ARID1B: variants seen among roughly 807,000 people sequenced by gnomAD.
ARID1B encodes the protein AT-rich interactive domain-containing protein 1B.
A neutral mutation model predicts 212.3 loss-of-function variants in ARID1B; 30 were observed. The ratio of observed to expected loss-of-function variants is 0.14; its 90% CI spans 0.11 to 0.19. The LOEUF is 0.19. Ranked by LOEUF, ARID1B falls within the 10% of genes least tolerant of loss-of-function variation. The pLI, the probability that ARID1B is intolerant of heterozygous loss-of-function variation, is 1.00. For missense variants in ARID1B, 2,891 were observed against 3,204.0 expected (o/e 0.90, Z 2.36); for synonymous variants, 1,402 against 1,301.7 (o/e 1.08, Z -1.66).
intron 6 of ARID1B, among the ~76,000 whole-genome samples, chr6:157,130,314 A>C (rs1308860410): frequency 1.3e-5 from 2 of 152,254 alleles, no homozygotes; most frequent in Non-Finnish European, 2.9e-5. Flanking sequence ...CGTTCTTTTC[A>C]AAGAAAGTAA....
chr6:156,943,807 C>A (rs922440693), intron 4 of ARID1B: 1 of 152,076 alleles, frequency 6.6e-6, no homozygotes, highest in Non-Finnish European at 1.5e-5. Context: ...ATTTTATTTA[C>A]CATCGGGTCA....
At chr6:157,168,112 T>TGAAG (rs1289999836) in intron 9 of ARID1B, 4 of 152,368 alleles carry the variant, frequency 2.6e-5, no homozygotes, top group Admixed American at 6.5e-5. Context: ...TCATTTCTTC[T>TGAAG]GCCTTCCACC....
At position 157,068,131 on chromosome 6, in the gene ARID1B, C is replaced by T. The variant is rs527501878; in HGVS notation, c.2248-16531C>T. 5.9e-5 allele frequency among the ~76,000 whole-genome samples: 9 copies of T among 152,346 alleles called. No individual in the cohort carries two copies. In the East Asian group the frequency reaches 1.7e-3, roughly 29 times the overall value. On this transcript the variant is annotated intron_variant, in intron 4 of 19. Transcript: ENST00000636930. ...CAATTTGGTTCTCTTATCTTTCACT[C>T]GTGTGAATTCCATGGGAAATCAGCA...
intron 1 of ARID1B, among the ~76,000 whole-genome samples, chr6:156,809,599 A>C (rs1317502761): frequency 6.6e-6 from 1 of 151,840 alleles, no homozygotes; most frequent in East Asian, 1.9e-4. Flanking sequence ...CTGCTGAATC[A>C]ATTGCATTAC....
Position 157,208,037 on chromosome 6 carries a change from TA to T in ARID1B, c.*149del, listed in dbSNP as rs1371142187. 22 of 820,722 alleles carry T rather than the reference TA, an allele frequency of 2.7e-5. No homozygotes were observed. The Admixed American group carries it at 6.3e-4, about 23-fold the overall frequency. 50.8% of individuals were successfully genotyped at this position (820,722 alleles called of 1,614,324 possible). A position where few individuals can be genotyped will look rare whatever the true frequency, so the allele number is the denominator to read the frequency against. Reference sequence around the variant, plus strand: ...CATTCACTATTTACCAATTGGGAATTAAAGAAATAATTAATTTGAACAGTTA... The same window carrying T: ...CATTCACTATTTACCAATTGGGAATTAAGAAATAATTAATTTGAACAGTTA... On this transcript the variant is annotated 3_prime_UTR_variant, in exon 20 of 20. Transcript: ENST00000636930.
Position 157,097,923 on chromosome 6 carries a change from G to A in ARID1B, c.2492-12549G>A, listed in dbSNP as rs1583301874. 3.3e-5 allele frequency among the ~76,000 whole-genome samples: 5 copies of A among 152,274 alleles called. No individual in the cohort carries two copies. In the South Asian group the frequency reaches 6.2e-4, roughly 19 times the overall value. ...CTTCAAAAGAACGGGTGGGGGAAACGACTATACAAAATTGCAAGGTTGTTA... is the reference window on the plus strand; with the variant it reads ...CTTCAAAAGAACGGGTGGGGGAAACAACTATACAAAATTGCAAGGTTGTTA... On this transcript the variant is annotated intron_variant, in intron 5 of 19. Transcript: ENST00000636930.
intron 1 of ARID1B, among the ~76,000 whole-genome samples, chr6:156,804,301 A>C (rs1780996628): frequency 1.3e-5 from 2 of 151,672 alleles, no homozygotes; most frequent in African/African-American, 4.8e-5. Flanking sequence ...GCACCACTGC[A>C]CACCAGCCTG....
chr6:157,138,439 T>C (rs200342016), intron 7 of ARID1B, among the ~76,000 whole-genome samples: 1 of 152,200 alleles, frequency 6.6e-6, no homozygotes, highest in Non-Finnish European at 1.5e-5. Context: ...GGTTTCAGCA[T>C]GTTGCCCAAG....
In ARID1B at chr6:156,812,222, C is replaced by T. The variant is rs1340683996; in HGVS notation, c.1792-17005C>T. Among the ~76,000 whole-genome samples, 3 of 152,196 alleles carry T rather than the reference C, an allele frequency of 2.0e-5. No individual in the cohort carries two copies. In the East Asian group the frequency reaches 5.8e-4, roughly 29 times the overall value. The stretch of plus-strand genomic sequence containing the variant: ...TCACAGCTCATTGCAGCCTCAACCT[C>T]CCAGGCTCAAGTGATCCTCTGTCCT... On this transcript the variant is annotated intron_variant, in intron 1 of 19. Transcript: ENST00000636930.
In ARID1B at chr6:157,143,810, G is replaced by A. The variant is rs547531731; in HGVS notation, c.2762-4814G>A. Among the ~76,000 whole-genome samples the A allele has an allele frequency of 1.2e-4, 19 of 152,362 alleles. No homozygotes were observed. The East Asian group carries it at 3.7e-3, about 29-fold the overall frequency. ...GAGGAAAGTTTCAAAGAAAAGAAAA[G>A]GGGACTTTGTATTTCTTCTATCCAA... On this transcript the variant is annotated intron_variant, in intron 7 of 19. Transcript: ENST00000636930.
intron 4 of ARID1B, chr6:157,030,389 C>A (rs1001098500): frequency 2.6e-5 from 4 of 152,212 alleles, no homozygotes; most frequent in Admixed American, 6.5e-5. Context: ...ATCATAAATC[C>A]AGTCCAGATT....
intron 9 of ARID1B, chr6:157,169,760 G>C (rs921259409): frequency 6.6e-6 from 1 of 152,124 alleles, no homozygotes; most frequent in South Asian, 2.1e-4. Flanking sequence ...CCCATCTGTG[G>C]TTCTAAGTTT....
Position 157,148,810 on chromosome 6 carries a change from T to G in ARID1B, c.2948T>G (p.Met983Arg). 6.2e-7 allele frequency: 1 copy of G among 1,612,972 alleles called. No homozygotes were observed. Among genetic ancestry groups the G allele is most frequent in the Non-Finnish European group, 8.5e-7 (1 of 1,179,848 alleles). Residue 983 changes from methionine (M) to arginine (R), a missense_variant, in exon 8 of 20, where the codon ATG (methionine) becomes AGG (arginine). Met to Arg is a moderately conservative substitution (Grantham distance 91). Coordinates refer to ENST00000636930, the MANE Select transcript of ARID1B (RefSeq NM_001374828.1). The surrounding 1 kb of genome is among the most constrained non-coding windows in gnomAD (Gnocchi z 5.6). ...CAGAACAGACCATTTCCTGGAAATATGAGCAGCATGACCCCCAGTTCTCCT... is the reference window on the plus strand; with the variant it reads ...CAGAACAGACCATTTCCTGGAAATAGGAGCAGCATGACCCCCAGTTCTCCT... ...GMQNRPFPGNMSSMTPSSPGM... is the reference protein window; with the variant it reads ...GMQNRPFPGNRSSMTPSSPGM...
chr6:157,160,476 A>G (rs918975055), intron 8 of ARID1B, among the ~76,000 whole-genome samples: 3 of 152,134 alleles, frequency 2.0e-5, no homozygotes, highest in African/African-American at 2.4e-5. Flanking sequence ...CTTGTGCTCC[A>G]CCACCTGTTC....
chr6:156,813,136 G>A (rs1325744295), intron 1 of ARID1B, among the ~76,000 whole-genome samples: 2 of 141,868 alleles, frequency 1.4e-5, no homozygotes, highest in Non-Finnish European at 3.0e-5. Context: ...ACGGAGTCTC[G>A]CACTGTTGCC....
chr6:156,789,454 G>A (rs1327709986), intron 1 of ARID1B, among the ~76,000 whole-genome samples: 4 of 152,228 alleles, frequency 2.6e-5, no homozygotes, highest in African/African-American at 9.6e-5. Context: ...CATGCTGGGT[G>A]ATGGGATTCT....
rs563664138 is a variant in ARID1B at position 156,851,591 on chromosome 6, A to T, written c.1986+22170A>T. Among the ~76,000 whole-genome samples, 44 of 152,326 alleles carry T rather than the reference A, an allele frequency of 2.9e-4. No homozygotes were observed. In the South Asian group the frequency reaches 9.1e-3, roughly 32 times the overall value. Reference sequence around the variant, plus strand: ...CACTTTCAAGCTCCAGAAATAATTTATAGCTGTAGGGTGTCAGGAGTGGGT... The same window carrying T: ...CACTTTCAAGCTCCAGAAATAATTTTTAGCTGTAGGGTGTCAGGAGTGGGT... On this transcript the variant is annotated intron_variant, in intron 2 of 19. Coordinates refer to ENST00000636930, the MANE Select transcript of ARID1B (RefSeq NM_001374828.1).
At chr6:157,076,131 A>T (rs1288544344) in intron 4 of ARID1B, among the ~76,000 whole-genome samples, 1 of 152,232 alleles carries the variant, frequency 6.6e-6, no homozygotes, top group East Asian at 1.9e-4. Context: ...ATTGAAAGTT[A>T]AAAAGTTCAG....
In ARID1B at chr6:156,777,961, C is replaced by G. The variant is rs1366521884; in HGVS notation, c.281C>G (p.Ala94Gly). ...CATAACGCGGGCGCCGCGGCCGCCG[C>G]CGGCACCCACAGCGCCAAGAGCGGC... ...MAHNAGAAAA[A>G]GTHSAKSGGS... Residue 94 changes from alanine to glycine, a missense_variant, in exon 1 of 20, where the codon GCC becomes GGC. This residue lies in a region of ARID1B where 1,643 missense variants were observed against 1,544.0 expected (regional missense o/e 1.06). Transcript: ENST00000636930. 3.3e-6 allele frequency: 5 copies of G among 1,529,818 alleles called. No homozygotes were observed. The African/African-American group carries it at 6.9e-5, about 21-fold the overall frequency. The allele number at this position is 1,529,818 out of a possible 1,614,324, so 94.8% of individuals were successfully genotyped here. A position where few individuals can be genotyped will look rare whatever the true frequency, so the allele number is the denominator to read the frequency against.
Sources: gnomAD v4.1 joint callset for allele counts (sites outside exome capture counted in the v4.1 genomes callset) on GRCh38, gnomAD v4.1.1 for gene constraint, gnomAD v4.1.1 regional missense constraint, Gnocchi (gnomAD v3.1) non-coding constraint, MANE v1.5 for transcripts, NCBI Gene and HGNC (gene_info 2026-07-23, HGNC 2026-07-21) for gene names.